The following HS3ST4 variants were observed in gnomAD, a reference collection of about 807,000 sequenced individuals.
HS3ST4 encodes the protein heparan sulfate glucosamine 3-O-sulfotransferase 4.
Under a neutral mutation model 29.2 loss-of-function variants are expected in HS3ST4, and 17 were observed. The observed-to-expected ratio is 0.58, with a 90% CI of 0.40 to 0.87. The LOEUF (loss-of-function observed/expected upper bound fraction) is 0.87, where lower values mean the gene tolerates loss of function less well. Among genes scored for constraint, HS3ST4 ranks in the 40% least tolerant of loss-of-function variants. The pLI is 0.00. For synonymous variants in HS3ST4, 314 were observed against 285.7 expected (o/e 1.10, Z -1.00); for missense variants, 627 against 634.5 (o/e 0.99, Z 0.13).
intron 1 of HS3ST4, among the ~76,000 whole-genome samples, chr16:26,111,183 T>C (rs1248460880): frequency 2.0e-5 from 3 of 151,974 alleles, no homozygotes; most frequent in Non-Finnish European, 4.4e-5. Context: ...CCACTTGATC[T>C]TCCTCCCGCC....
In HS3ST4 at chr16:26,021,783, C is replaced by G. The variant is rs561228361; in HGVS notation, c.735-113829C>G. 2.0e-5 allele frequency among the ~76,000 whole-genome samples: 3 copies of G among 152,142 alleles called. No homozygotes were observed. In the South Asian group the frequency reaches 6.2e-4, roughly 32 times the overall value. The stretch of plus-strand genomic sequence containing the variant: ...AGTTCAAGTGATTCTCCTGCCTCAG[C>G]CTCCTGAGTAGCTGGGATTGCAGGC... On this transcript the variant is annotated intron_variant, in intron 1 of 1. Coordinates refer to ENST00000331351, the MANE Select transcript of HS3ST4 (RefSeq NM_006040.3).
At chr16:25,966,527 C>G (rs1023456673) in intron 1 of HS3ST4, among the ~76,000 whole-genome samples, 2 of 152,070 alleles carry the variant, frequency 1.3e-5, no homozygotes, top group African/African-American at 4.8e-5. Context: ...CACTGGATTC[C>G]TTCTTCTTCA....
intron 1 of HS3ST4, among the ~76,000 whole-genome samples, chr16:26,037,954 C>T (rs552949791): frequency 6.6e-6 from 1 of 152,296 alleles, no homozygotes; most frequent in Admixed American, 6.5e-5. Flanking sequence ...AAGCATATAA[C>T]AGATCAGGCC....
At chr16:25,946,126 G>A (rs574162069) in intron 1 of HS3ST4, among the ~76,000 whole-genome samples, 33 of 152,262 alleles carry the variant, frequency 2.2e-4, no homozygotes, top group African/African-American at 3.1e-4. Context: ...CTTGTGCATC[G>A]ATTTTGAAGG....
intron 1 of HS3ST4, among the ~76,000 whole-genome samples, chr16:26,016,847 A>T (rs1392670446): frequency 1.3e-5 from 2 of 152,184 alleles, no homozygotes; most frequent in East Asian, 3.8e-4. Flanking sequence ...CCTTCTGGGC[A>T]CTCAAGAGGA....
At chr16:25,794,862 C>T (rs1410275606) in intron 1 of HS3ST4, among the ~76,000 whole-genome samples, 2 of 147,160 alleles carry the variant, frequency 1.4e-5, no homozygotes, top group African/African-American at 5.0e-5. Flanking sequence ...TTTTAGGATG[C>T]AAATTCTATA....
chr16:26,041,483 T>C lies in HS3ST4; in HGVS notation c.735-94129T>C, dbSNP rs141667044. ...AGGGAATGGGTCTGGAGAAGTAACATTAAAAAACGAACAAACAAAACAAAA... is the reference window on the plus strand; with the variant it reads ...AGGGAATGGGTCTGGAGAAGTAACACTAAAAAACGAACAAACAAAACAAAA... On this transcript the variant is annotated intron_variant, in intron 1 of 1. Transcript: ENST00000331351. Among the ~76,000 whole-genome samples, 14 of 152,220 alleles carry C rather than the reference T, an allele frequency of 9.2e-5. No individual in the cohort carries two copies. The East Asian group carries it at 1.3e-3, about 15-fold the overall frequency.
chr16:25,852,183 C>G (rs891951939), intron 1 of HS3ST4, among the ~76,000 whole-genome samples: 5 of 152,198 alleles, frequency 3.3e-5, no homozygotes, highest in African/African-American at 1.2e-4. Flanking sequence ...GTCCTACTCT[C>G]TCTTAGTTTT....
At chr16:25,814,547 A>G (rs112018041) in intron 1 of HS3ST4, among the ~76,000 whole-genome samples, 29,892 of 151,992 alleles carry the variant, frequency 0.2, 3,353 homozygotes, top group Non-Finnish European at 0.25. Context: ...GAGTTTCACC[A>G]TGTTGGTCAG....
intron 1 of HS3ST4, among the ~76,000 whole-genome samples, chr16:25,730,363 CCCTT>C (rs1486586086): frequency 6.8e-6 from 1 of 147,264 alleles, no homozygotes; most frequent in Non-Finnish European, 1.5e-5. Context: ...CTCCCTCCCT[CCCTT>C]CCTTCTTTCC....
chr16:26,042,588 C>G (rs1230858121), intron 1 of HS3ST4, among the ~76,000 whole-genome samples: 2 of 152,242 alleles, frequency 1.3e-5, no homozygotes, highest in Non-Finnish European at 2.9e-5. Flanking sequence ...TGCATCTGAA[C>G]AGTTGAATTT....
chr16:25,729,931 A>T (rs1226821852), intron 1 of HS3ST4, among the ~76,000 whole-genome samples: 1 of 152,218 alleles, frequency 6.6e-6, no homozygotes, highest in African/African-American at 2.4e-5. Context: ...TGGCTCATAC[A>T]CAGGCAGCAA....
intron 1 of HS3ST4, among the ~76,000 whole-genome samples, chr16:25,848,245 TCTC>T (rs1309257724): frequency 1.3e-5 from 2 of 152,054 alleles, no homozygotes; most frequent in Non-Finnish European, 2.9e-5. Flanking sequence ...TTCAAGCAAT[TCTC>T]CTGCCTCAGC....
chr16:25,829,168 C>A (rs1196726150), intron 1 of HS3ST4, among the ~76,000 whole-genome samples: 3 of 152,200 alleles, frequency 2.0e-5, no homozygotes, highest in Non-Finnish European at 4.4e-5. Context: ...TACTTAGGCA[C>A]AGACAGATAA....
intron 1 of HS3ST4, among the ~76,000 whole-genome samples, chr16:25,999,390 C>T (rs1379181974): frequency 6.6e-6 from 1 of 152,096 alleles, no homozygotes; most frequent in Non-Finnish European, 1.5e-5. Flanking sequence ...GATTATTTCT[C>T]CATTTTCATT....
chr16:26,023,500 A>G (rs1387374075), intron 1 of HS3ST4, among the ~76,000 whole-genome samples: 1 of 151,966 alleles, frequency 6.6e-6, no homozygotes, highest in East Asian at 1.9e-4. Flanking sequence ...CCTGAGCTCA[A>G]ATGATCCTCC....
intron 1 of HS3ST4, among the ~76,000 whole-genome samples, chr16:26,039,554 G>A (rs1969616396): frequency 1.3e-5 from 2 of 152,006 alleles, no homozygotes; most frequent in African/African-American, 2.4e-5. Flanking sequence ...GGAGAATGGG[G>A]TATCCTTTCC....
intron 1 of HS3ST4, among the ~76,000 whole-genome samples, chr16:26,107,031 C>G (rs1017693179): frequency 6.6e-6 from 1 of 151,994 alleles, no homozygotes; most frequent in Admixed American, 6.6e-5. Flanking sequence ...GGCTAGCTAC[C>G]TCCTCTTTTC....
At chr16:25,970,489 T>A (rs1455588711) in intron 1 of HS3ST4, among the ~76,000 whole-genome samples, 3 of 152,190 alleles carry the variant, frequency 2.0e-5, no homozygotes, top group Admixed American at 6.5e-5. Context: ...CATTCAATCA[T>A]TCACTCATTC....
Sources: allele counts gnomAD v4.1 joint callset (sites outside exome capture counted in the v4.1 genomes callset), GRCh38; gene constraint gnomAD v4.1.1; transcripts MANE v1.5; gene names NCBI Gene and HGNC (gene_info 2026-07-23, HGNC 2026-07-21).